The following RYK variants were observed in gnomAD, a reference collection of about 807,000 sequenced individuals.
The protein encoded by RYK is receptor like tyrosine kinase.
Under a neutral mutation model 70.2 loss-of-function variants are expected in RYK, and 21 were observed. That is an observed-to-expected ratio of 0.30 (90% confidence interval 0.21 to 0.43). The LOEUF (loss-of-function observed/expected upper bound fraction) is 0.43. RYK is among the 20% of genes least tolerant of loss of function. The pLI, the probability that RYK is intolerant of heterozygous loss-of-function variation, is 1.00. For missense variants in RYK, 604 were observed against 753.3 expected (o/e 0.80, Z 2.32); for synonymous variants, 267 against 278.0 (o/e 0.96, Z 0.39).
intron 2 of RYK, among the ~76,000 whole-genome samples, chr3:134,214,843 A>T (rs2014503473): frequency 6.6e-6 from 1 of 152,118 alleles, no homozygotes; most frequent in South Asian, 2.1e-4. Flanking sequence ...ACCCCGGCAG[A>T]TCTATTAGAG....
intron 11 of RYK, among the ~76,000 whole-genome samples, chr3:134,176,909 G>A (rs555777207): frequency 1.4e-3 from 210 of 151,736 alleles, no homozygotes; most frequent in African/African-American, 4.9e-3. Context: ...TTAGCCGGGC[G>A]TGGTGGCAGG....
chr3:134,227,383 CA>C (rs2014940009), intron 1 of RYK, among the ~76,000 whole-genome samples: 1 of 151,944 alleles, frequency 6.6e-6, no homozygotes, highest in Non-Finnish European at 1.5e-5. Flanking sequence ...TAATCTTAAT[CA>C]AAATCTCAAT....
intron 13 of RYK, among the ~76,000 whole-genome samples, chr3:134,160,454 A>G (rs926881270): frequency 2.0e-5 from 3 of 152,186 alleles, no homozygotes; most frequent in Non-Finnish European, 4.4e-5. Context: ...CAATAACAAC[A>G]AAATCCCAAA....
chr3:134,160,349 A>G (rs2012416292), intron 13 of RYK, among the ~76,000 whole-genome samples: 1 of 152,236 alleles, frequency 6.6e-6, no homozygotes, highest in African/African-American at 2.4e-5. Flanking sequence ...AGTGAAAAAA[A>G]GAAAAGGAAA....
intron 5 of RYK, among the ~76,000 whole-genome samples, chr3:134,203,237 A>G (rs568483149): frequency 6.6e-6 from 1 of 152,184 alleles, no homozygotes; most frequent in African/African-American, 2.4e-5. Context: ...AATCCTAGCT[A>G]CTCAGGAGGC....
intron 1 of RYK, among the ~76,000 whole-genome samples, chr3:134,223,067 C>T (rs558978986): frequency 1.2e-4 from 19 of 152,218 alleles, no homozygotes; most frequent in Non-Finnish European, 1.3e-4. Flanking sequence ...TACACACTTG[C>T]ACCAGGTGTT....
intron 9 of RYK, chr3:134,183,389 C>A: frequency 6.2e-6 from 1 of 161,052 alleles, no homozygotes; most frequent in Non-Finnish European, 1.3e-5. Context: ...TTAAATAGCT[C>A]ATATAAATCA....
intron 1 of RYK, among the ~76,000 whole-genome samples, chr3:134,247,795 T>C (rs1222438767): frequency 1.3e-5 from 2 of 152,202 alleles, no homozygotes; most frequent in African/African-American, 4.8e-5. Flanking sequence ...GGTAATTAGT[T>C]CAATTTATAA....
At chr3:134,162,082 G>A (rs747743891) in intron 13 of RYK, among the ~76,000 whole-genome samples, 4 of 152,238 alleles carry the variant, frequency 2.6e-5, no homozygotes, top group South Asian at 4.1e-4. Context: ...CTATCTTCAC[G>A]TGACATTTTC....
chr3:134,159,395 A>G (rs2108137232), intron 13 of RYK, 22 bp from the exon 14 acceptor site: 1 of 1,565,796 alleles, frequency 6.4e-7, no homozygotes, highest in Non-Finnish European at 8.7e-7. Flanking sequence ...GCAGAAGCAC[A>G]ATGAGGGGAC....
chr3:134,211,443 T>G, intron 3 of RYK, 65 bp downstream of exon 3: 1 of 1,094,576 alleles, frequency 9.1e-7, no homozygotes, highest in Non-Finnish European at 1.4e-6. Context: ...AAACTTCTGT[T>G]TTGGGGCCAT....
At position 134,195,301 on chromosome 3, in the gene RYK, A is replaced by G. The variant is rs145670567; in HGVS notation, c.789-119T>C. The G allele has an allele frequency of 7.2e-4, 487 of 677,510 alleles. 1 individual carries two copies. The highest frequency in any genetic ancestry group is 6.9e-3 in the African/African-American group (381 of 54,840). 42.0% of individuals were successfully genotyped at this position (677,510 alleles called of 1,614,324 possible). On this transcript the variant is annotated intron_variant, in intron 6 of 14. Coordinates refer to ENST00000623711, the MANE Select transcript of RYK (RefSeq NM_002958.4). ...CCAGCCTAAAATCCTTACGGAGATC[A>G]CAATAATTCATGATGTTCCAATACT...
At chr3:134,175,427 TG>T (rs2013064902) in intron 13 of RYK, among the ~76,000 whole-genome samples, 181 bp downstream of exon 13, 1 of 152,130 alleles carries the variant, frequency 6.6e-6, no homozygotes. Flanking sequence ...GCCTATGGTC[TG>T]GGTCACAGCT....
chr3:134,162,635 T>C (rs1011949976), intron 13 of RYK, among the ~76,000 whole-genome samples: 4 of 152,184 alleles, frequency 2.6e-5, no homozygotes, highest in African/African-American at 7.2e-5. Context: ...TCACAACTAG[T>C]TATTTGCCTA....
In RYK at chr3:134,159,343, T is replaced by G. The variant is rs1488627640; in HGVS notation, c.1606A>C (p.Met536Leu). 6.2e-7 allele frequency: 1 copy of G among 1,613,470 alleles called. No homozygotes were observed. The highest frequency in any genetic ancestry group is 8.5e-7 in the Non-Finnish European group (1 of 1,179,656). ...WAFGVTLWEL[M>L]TLGQTPYVDI... ...ACGTAGGGAGTCTGGCCCAGAGTCA[T>G]GAGTTCCCACAGCGTCACTCCAAAG... The change falls in exon 14 of 15, where the codon ATG (methionine) becomes CTG (leucine). Residue 536 changes from methionine (M) to leucine (L), a missense_variant. Transcript: ENST00000623711.
chr3:134,235,966 C>G (rs1349548988), intron 1 of RYK, among the ~76,000 whole-genome samples: 1 of 151,518 alleles, frequency 6.6e-6, no homozygotes, highest in Non-Finnish European at 1.5e-5. Flanking sequence ...AGGGCTGAGA[C>G]AGATCACTTC....
At chr3:134,226,073 T>A (rs1009805540) in intron 1 of RYK, among the ~76,000 whole-genome samples, 4 of 152,050 alleles carry the variant, frequency 2.6e-5, no homozygotes, top group African/African-American at 7.2e-5. Flanking sequence ...ATGATAAAGA[T>A]ATTAACTATA....
At chr3:134,201,172 T>C (rs553585400) in intron 6 of RYK, among the ~76,000 whole-genome samples, 2 of 152,330 alleles carry the variant, frequency 1.3e-5, no homozygotes, top group African/African-American at 4.8e-5. Flanking sequence ...CCCTGTAAAA[T>C]CTAAACCTAA....
intron 1 of RYK, among the ~76,000 whole-genome samples, chr3:134,229,261 CTT>C (rs2014991236): frequency 6.6e-6 from 1 of 151,396 alleles, no homozygotes; most frequent in African/African-American, 2.4e-5. Context: ...TCTTTTTCTT[CTT>C]CCCCCTCCGC....
Sources: gnomAD v4.1 joint callset for allele counts (sites outside exome capture counted in the v4.1 genomes callset) on GRCh38, gnomAD v4.1.1 for gene constraint, MANE v1.5 for transcripts, NCBI Gene and HGNC (gene_info 2026-07-23, HGNC 2026-07-21) for gene names.